Variants in CNOT7 observed in about 807,000 individuals in gnomAD.
CNOT7 encodes the protein CCR4-NOT transcription complex subunit 7.
A neutral mutation model predicts 37.1 loss-of-function variants in CNOT7; 4 were observed. The observed-to-expected ratio is 0.11, with a 90% CI of 0.05 to 0.25. The LOEUF is 0.25. Among genes scored for constraint, CNOT7 ranks in the 10% least tolerant of loss-of-function variants. The pLI is 1.00. For synonymous variants in CNOT7, 128 were observed against 115.6 expected, an observed-to-expected ratio of 1.11 and a Z score of -0.69; for missense variants, 170 against 336.2, an observed-to-expected ratio of 0.51 and a Z score of 3.87.
intron 1 of CNOT7, chr8:17,246,386 T>C (rs920051027): frequency 2.0e-5 from 3 of 152,612 alleles, no homozygotes; most frequent in Admixed American, 6.5e-5. Flanking sequence ...CACTGCCGCG[T>C]GAAACAATAC....
chr8:17,242,251 G>A (rs938460738), intron 3 of CNOT7: 1 of 152,174 alleles, frequency 6.6e-6, no homozygotes, highest in African/African-American at 2.4e-5. Context: ...TGAAGAAAAT[G>A]TCATTTGAGG....
intron 2 of CNOT7, chr8:17,243,557 G>A (rs1244382937): frequency 2.1e-6 from 1 of 465,364 alleles, no homozygotes. Context: ...TGGTTCAAAA[G>A]AGGGGAAAAC....
chr8:17,243,099 A>G lies in CNOT7; in HGVS notation c.204T>C (p.Asn68=). Residue 68 remains asparagine, a synonymous_variant, in exon 3 of 7, where the codon AAT becomes AAC. Transcript: ENST00000361272. ...ADYQYQLLRC[N]VDLLKIIQLG... Reference sequence around the variant, plus strand: ...GCTGAATTATCTTTAACAAGTCTACATTACACCGCAATAGTTGGTATTGAT... The same window carrying G: ...GCTGAATTATCTTTAACAAGTCTACGTTACACCGCAATAGTTGGTATTGAT... The G allele has an allele frequency of 1.2e-6, 2 of 1,612,968 alleles. No individual in the cohort carries two copies. The highest frequency in any genetic ancestry group is 1.1e-5 in the South Asian group (1 of 90,786).
intron 5 of CNOT7, 51 bp downstream of exon 5, chr8:17,234,665 C>A: frequency 6.3e-7 from 1 of 1,592,214 alleles, no homozygotes; most frequent in Non-Finnish European, 8.6e-7. Context: ...GCATGACAGT[C>A]ACTTGGTCTG....
At chr8:17,234,143 A>G (rs1236013401) in intron 5 of CNOT7, among the ~76,000 whole-genome samples, 2 of 152,192 alleles carry the variant, frequency 1.3e-5, no homozygotes, top group Admixed American at 6.5e-5. Context: ...GGACCTACAC[A>G]TTTCCCATAG....
chr8:17,232,123 A>C, intron 6 of CNOT7: 1 of 1,054,070 alleles, frequency 9.5e-7, no homozygotes, highest in Non-Finnish European at 1.2e-6. Flanking sequence ...GTGTTTAATC[A>C]TGGAAGTTAT....
At chr8:17,244,974 A>T in intron 2 of CNOT7, 62 bp downstream of exon 2, 2 of 1,330,010 alleles carry the variant, frequency 1.5e-6, no homozygotes, top group Non-Finnish European at 2.1e-6. Flanking sequence ...TGAATTCAAG[A>T]CTTTAAAATT....
rs962799449 is a variant in CNOT7 at position 17,227,838 on chromosome 8, A to T, written c.*2882T>A. On this transcript the variant is annotated 3_prime_UTR_variant, in exon 7 of 7. Transcript: ENST00000361272. Reference sequence around the variant, plus strand: ...ATTCAAAGGTACTTTTCTTGTTCTGAGATACAGGGCATGAACTGGTAGCAG... The same window carrying T: ...ATTCAAAGGTACTTTTCTTGTTCTGTGATACAGGGCATGAACTGGTAGCAG... 1 of 151,818 alleles carries T rather than the reference A, an allele frequency of 6.6e-6. No individual in the cohort carries two copies. The highest frequency in any genetic ancestry group is 2.4e-5 in the African/African-American group (1 of 41,410). 9.4% of individuals were successfully genotyped at this position (151,818 alleles called of 1,614,324 possible).
At chr8:17,236,539 T>C (rs1344485672) in intron 4 of CNOT7, among the ~76,000 whole-genome samples, 1 of 152,200 alleles carries the variant, frequency 6.6e-6, no homozygotes, top group Non-Finnish European at 1.5e-5. Context: ...TTACTGTTTA[T>C]AAAGTATTTT....
Position 17,241,909 on chromosome 8 carries a change from T to C in CNOT7, c.311+1083A>G, listed in dbSNP as rs114318404. The C allele has an allele frequency of 4.9e-3, 744 of 152,282 alleles. 9 individuals are homozygous for C. Among genetic ancestry groups the C allele is most frequent in the African/African-American group, 0.017 (703 of 41,558 alleles). The allele number at this position is 152,282 out of a possible 1,614,324, so 9.4% of individuals were successfully genotyped here. A position where few individuals can be genotyped will look rare whatever the true frequency, so the allele number is the denominator to read the frequency against. On this transcript the variant is annotated intron_variant, in intron 3 of 6. Transcript: ENST00000361272. ...TATATGTAAATTTAAGAACAATTAA[T>C]AAAAACAAGATAATTATTTGCTCCA...
At chr8:17,239,278 C>G (rs1050572833) in intron 3 of CNOT7, among the ~76,000 whole-genome samples, 2 of 152,078 alleles carry the variant, frequency 1.3e-5, no homozygotes, top group Non-Finnish European at 2.9e-5. Context: ...TTAAACTGAG[C>G]TCAAACAATC....
At position 17,230,527 on chromosome 8, in the gene CNOT7, T is replaced by C; in HGVS notation, c.*193A>G. On this transcript the variant is annotated 3_prime_UTR_variant, in exon 7 of 7. Coordinates refer to ENST00000361272, the MANE Select transcript of CNOT7 (RefSeq NM_013354.7). ...AAATTAAGGCCAAATTTAACCTGAA[T>C]GCGTTTTTTTTTTTCTTTTTATTAA... is the stretch of plus-strand genomic sequence containing the variant. 2.7e-6 allele frequency: 1 copy of C among 374,840 alleles called. No homozygotes were observed. Among genetic ancestry groups the C allele is most frequent in the Non-Finnish European group, 4.8e-6 (1 of 209,876 alleles). The allele number at this position is 374,840 out of a possible 1,614,324, so 23.2% of individuals were successfully genotyped here.
At position 17,226,187 on chromosome 8, in the gene CNOT7, T is replaced by C. The variant is rs1808146871; in HGVS notation, c.*4533A>G. The C allele has an allele frequency of 6.6e-6, 1 of 150,558 alleles. No homozygotes were observed. The highest frequency in any genetic ancestry group is 2.1e-4 in the South Asian group (1 of 4,756). 9.3% of individuals were successfully genotyped at this position (150,558 alleles called of 1,614,324 possible). A position where few individuals can be genotyped will look rare whatever the true frequency, so the allele number is the denominator to read the frequency against. On this transcript the variant is annotated 3_prime_UTR_variant, in exon 7 of 7. Transcript: ENST00000361272. ...TGAAAACTCAAAATATTGAGTACAA[T>C]TTTTTTTTCTTTTTTTAGTAATAGA... is the stretch of plus-strand genomic sequence containing the variant.
At chr8:17,239,116 G>C (rs951356332) in intron 3 of CNOT7, among the ~76,000 whole-genome samples, 1 of 152,182 alleles carries the variant, frequency 6.6e-6, no homozygotes, top group Non-Finnish European at 1.5e-5. Flanking sequence ...GCAGTGGCTT[G>C]AACACGGCTC....
rs1400136331 is a variant in CNOT7 at position 17,228,307 on chromosome 8, T to A, written c.*2413A>T. The A allele has an allele frequency of 6.6e-6, 1 of 151,846 alleles. No homozygotes were observed. The highest frequency in any genetic ancestry group is 1.9e-4 in the East Asian group (1 of 5,186). 9.4% of individuals were successfully genotyped at this position (151,846 alleles called of 1,614,324 possible). On this transcript the variant is annotated 3_prime_UTR_variant, in exon 7 of 7. Transcript: ENST00000361272. ...GTAACACTAAAATATCAGCCAAATA[T>A]CTTACATCTGGAACCTAGACTTTAC...
chr8:17,240,075 C>G (rs1252235433), intron 3 of CNOT7, among the ~76,000 whole-genome samples: 1 of 152,268 alleles, frequency 6.6e-6, no homozygotes, highest in Non-Finnish European at 1.5e-5. Flanking sequence ...GTAACTGACA[C>G]TCATTCTAGC....
rs1808079735 is a variant in CNOT7, at chr8:17,225,225, C to G, written c.*5495G>C. 6.6e-6 allele frequency: 1 copy of G among 151,632 alleles called. No homozygotes were observed. Among genetic ancestry groups the G allele is most frequent in the African/African-American group, 2.4e-5 (1 of 41,392 alleles). 9.4% of individuals were successfully genotyped at this position (151,632 alleles called of 1,614,324 possible). The stretch of plus-strand genomic sequence containing the variant: ...TCTGAAGCTAAAGGAACTCCAATTT[C>G]TTGGTATGATACTAAATAAAGATTC... On this transcript the variant is annotated 3_prime_UTR_variant, in exon 7 of 7. Coordinates refer to ENST00000361272, the MANE Select transcript of CNOT7 (RefSeq NM_013354.7).
Position 17,230,693 on chromosome 8 carries a change from A to G in CNOT7, c.*27T>C, listed in dbSNP as rs1808498460. The G allele has an allele frequency of 6.3e-7, 1 of 1,586,608 alleles. No individual in the cohort carries two copies. Among genetic ancestry groups the G allele is most frequent in the African/African-American group, 1.4e-5 (1 of 73,316 alleles). On this transcript the variant is annotated 3_prime_UTR_variant, in exon 7 of 7. Coordinates refer to ENST00000361272, the MANE Select transcript of CNOT7 (RefSeq NM_013354.7). The stretch of plus-strand genomic sequence containing the variant: ...TATATACAAGCATGTGTGTAGCTCG[A>G]AATAAAAATAAAAGGACTATTTCAT...
rs376091420 is a variant in CNOT7, at chr8:17,234,706, G to A, written c.618+10C>T. On this transcript the variant is annotated intron_variant, in intron 5 of 6. Transcript: ENST00000361272. ...TGTGCTGCTGTAGATAATGCCATCC[G>A]AAGCCTTACTTTGAGATTTTTGCAG... 45 of 1,613,586 alleles carry A rather than the reference G, an allele frequency of 2.8e-5. No homozygotes were observed. Among genetic ancestry groups the A allele is most frequent in the South Asian group, 2.3e-4 (21 of 91,054 alleles).
Sources: gnomAD v4.1 joint callset for allele counts (sites outside exome capture counted in the v4.1 genomes callset) on GRCh38, gnomAD v4.1.1 for gene constraint, MANE v1.5 for transcripts, NCBI Gene and HGNC (gene_info 2026-07-23, HGNC 2026-07-21) for gene names.